The following PPP1R3G variants were observed in gnomAD, a reference collection of about 807,000 sequenced individuals.
The protein encoded by PPP1R3G is protein phosphatase 1, regulatory (inhibitor) subunit 3G.
PPP1R3G carries 3 observed loss-of-function variants against 2.0 expected under a neutral mutation model. The observed-to-expected ratio is 1.47, with a 90% CI of 0.67 to 3.81. The LOEUF (loss-of-function observed/expected upper bound fraction) is 3.81. Ranked by LOEUF, PPP1R3G falls within the 30% of genes most tolerant of loss-of-function variation. The pLI, the probability that PPP1R3G is intolerant of heterozygous loss-of-function variation, is 0.02. For synonymous variants in PPP1R3G, 267 were observed against 250.9 expected, an observed-to-expected ratio of 1.06 and a Z score of -0.61; for missense variants, 595 against 517.0, an observed-to-expected ratio of 1.15 and a Z score of -1.46.
Position 5,085,892 on chromosome 6 carries a change from A to T in PPP1R3G, c.407A>T (p.Asp136Val), listed in dbSNP as rs1253883093. The T allele has an allele frequency of 6.5e-7, 1 of 1,531,332 alleles. No individual in the cohort carries two copies. Among genetic ancestry groups the T allele is most frequent in the Non-Finnish European group, 8.7e-7 (1 of 1,144,558 alleles). The allele number at this position is 1,531,332 out of a possible 1,614,324, so 94.9% of individuals were successfully genotyped here. A position where few individuals can be genotyped will look rare whatever the true frequency, so the allele number is the denominator to read the frequency against. The change falls in exon 1 of 1, where the codon GAC (aspartate) becomes GTC (valine). Residue 136 changes from aspartate (D) to valine (V), a missense_variant. Coordinates refer to ENST00000405617, the MANE Select transcript of PPP1R3G (RefSeq NM_001145115.3). ...AKCKKRVQFA[D>V]TLGLSLASVK... is the part of the protein sequence containing the mutation. Reference sequence around the variant, plus strand: ...TGCAAGAAGCGGGTGCAGTTCGCGGACACGCTGGGGCTAAGCCTGGCCAGC... The same window carrying T: ...TGCAAGAAGCGGGTGCAGTTCGCGGTCACGCTGGGGCTAAGCCTGGCCAGC...
chr6:5,085,504 C>G lies in PPP1R3G; in HGVS notation c.19C>G (p.Arg7Gly), dbSNP rs540441961. ...CGGCGTCATGGAGCCCATAGGGGCG[C>G]GGCTAAGTTTGGAGGCGCCGGGACC... Reference protein sequence around the residue: MEPIGARLSLEAPGPAP... With the variant: MEPIGAGLSLEAPGPAP... The change falls in exon 1 of 1, where the codon CGG (arginine) becomes GGG (glycine). Residue 7 changes from arginine (R) to glycine (G), a missense_variant. Physicochemically the swap from Arg to Gly is moderately radical, Grantham distance 125. Coordinates refer to ENST00000405617, the MANE Select transcript of PPP1R3G (RefSeq NM_001145115.3). 1.3e-6 allele frequency: 2 copies of G among 1,536,826 alleles called. No homozygotes were observed. The highest frequency in any genetic ancestry group is 2.7e-5 in the African/African-American group (2 of 72,892).
rs780541343 is a variant in PPP1R3G at position 5,085,781 on chromosome 6, T to TGCAGCAGCA, written c.303_311dup (p.Gln103_Gln105dup). On this transcript the variant is annotated inframe_insertion, in exon 1 of 1. Transcript: ENST00000405617. ...CCCATCTTGCAGGCGGCCAAGTTCC[T>TGCAGCAGCA]GCAGCAGCAGCAGCAACAGGCGGTG... 2.6e-6 allele frequency: 4 copies of TGCAGCAGCA among 1,532,728 alleles called. No homozygotes were observed. The highest frequency in any genetic ancestry group is 2.6e-6 in the Non-Finnish European group (3 of 1,140,810). 94.9% of individuals were successfully genotyped at this position (1,532,728 alleles called of 1,614,324 possible).
rs1761964036 is a variant in PPP1R3G at position 5,085,550 on chromosome 6, C to T, written c.65C>T (p.Pro22Leu). The change falls in exon 1 of 1, where the codon CCG becomes CTG. Residue 22 changes from proline (P) to leucine (L), a missense_variant. Transcript: ENST00000405617. Reference protein sequence around the residue: ...APGPAPFREAPPAEELPAPVV... With the variant: ...APGPAPFREALPAEELPAPVV... ...GGACCAGCGCCCTTCCGAGAGGCCC[C>T]GCCGGCCGAGGAGCTGCCCGCCCCG... The T allele has an allele frequency of 7.1e-6, 11 of 1,541,174 alleles. No homozygotes were observed. Among genetic ancestry groups the T allele is most frequent in the Non-Finnish European group, 7.9e-6 (9 of 1,146,004 alleles).
In PPP1R3G at chr6:5,085,431, T is replaced by TA. The variant is rs1761957818; in HGVS notation, c.-53dup. ...TCCTTCCACGGCCCGAGGAGTTAGT[T>TA]AAGTCTCCAGAGGGGCCCGGTTCGG... On this transcript the variant is annotated 5_prime_UTR_variant, in exon 1 of 1. Coordinates refer to ENST00000405617, the MANE Select transcript of PPP1R3G (RefSeq NM_001145115.3). The TA allele has an allele frequency of 7.5e-7, 1 of 1,330,244 alleles. No individual in the cohort carries two copies. The highest frequency in any genetic ancestry group is 1.4e-5 in the South Asian group (1 of 73,302). 82.4% of individuals were successfully genotyped at this position (1,330,244 alleles called of 1,614,324 possible).
rs530557108 is a variant in PPP1R3G, at chr6:5,085,656, G to A, written c.171G>A (p.Arg57=). 153 of 1,548,616 alleles carry A rather than the reference G, an allele frequency of 9.9e-5. No homozygotes were observed. In the African/African-American group the frequency reaches 1.9e-3, roughly 19 times the overall value. ...TPSPDAQLGD[R]PLSPKEEAAP... is the part of the protein sequence containing the mutation. ...GTCCTGACGCTCAGCTAGGGGATAG[G>A]CCCCTGTCCCCGAAGGAAGAGGCCG... Residue 57 remains arginine (R), a synonymous_variant, in exon 1 of 1, where the codon AGG becomes AGA. Transcript: ENST00000405617.
Position 5,085,438 on chromosome 6 carries a change from C to A in PPP1R3G, c.-48C>A. On this transcript the variant is annotated 5_prime_UTR_variant, in exon 1 of 1. Coordinates refer to ENST00000405617, the MANE Select transcript of PPP1R3G (RefSeq NM_001145115.3). ...ACGGCCCGAGGAGTTAGTTAAGTCT[C>A]CAGAGGGGCCCGGTTCGGCCCGAGC... The A allele has an allele frequency of 7.1e-7, 1 of 1,405,792 alleles. No homozygotes were observed. The highest frequency in any genetic ancestry group is 2.5e-5 in the East Asian group (1 of 39,840). The allele number at this position is 1,405,792 out of a possible 1,614,324, so 87.1% of individuals were successfully genotyped here. A position where few individuals can be genotyped will look rare whatever the true frequency, so the allele number is the denominator to read the frequency against.
chr6:5,086,386 C>G lies in PPP1R3G; in HGVS notation c.901C>G (p.His301Asp), dbSNP rs1186230528. Residue 301 changes from histidine to aspartate, a missense_variant, in exon 1 of 1, where the codon CAC (histidine) becomes GAC (aspartate). By Grantham distance (81) the His-to-Asp change is moderately conservative (BLOSUM62 -1). Coordinates refer to ENST00000405617, the MANE Select transcript of PPP1R3G (RefSeq NM_001145115.3). ...GAAAGAGCCAGGCGCCGAGTGCTTC[C>G]ACTTCTCGCTGTGCCTGCCCCCGGG... ...AKKEPGAECFHFSLCLPPGLQ... is the reference protein window; with the variant it reads ...AKKEPGAECFDFSLCLPPGLQ... 3 of 1,536,198 alleles carry G rather than the reference C, an allele frequency of 2.0e-6. No individual in the cohort carries two copies. In the South Asian group the frequency reaches 3.6e-5, roughly 18 times the overall value.
In PPP1R3G at chr6:5,086,646, G is replaced by A. The variant is rs1330368892; in HGVS notation, c.*84G>A. 3.4e-6 allele frequency: 4 copies of A among 1,164,408 alleles called. No homozygotes were observed. The highest frequency in any genetic ancestry group is 5.6e-5 in the Admixed American group (2 of 36,006). The allele number at this position is 1,164,408 out of a possible 1,614,324, so 72.1% of individuals were successfully genotyped here. ...GCCGCCTCAAGGAACTTGCTGGGAC[G>A]CTTTGCTGAGCGTGGCGAGTCTGGC... On this transcript the variant is annotated 3_prime_UTR_variant, in exon 1 of 1. Coordinates refer to ENST00000405617, the MANE Select transcript of PPP1R3G (RefSeq NM_001145115.3).
Position 5,087,414 on chromosome 6 carries a change from A to T in PPP1R3G, c.*852A>T, listed in dbSNP as rs1762069156. The T allele has an allele frequency of 6.6e-6, 1 of 152,236 alleles. No individual in the cohort carries two copies. The highest frequency in any genetic ancestry group is 2.1e-4 in the South Asian group (1 of 4,834). The allele number at this position is 152,236 out of a possible 1,614,324, so 9.4% of individuals were successfully genotyped here. A position where few individuals can be genotyped will look rare whatever the true frequency, so the allele number is the denominator to read the frequency against. On this transcript the variant is annotated 3_prime_UTR_variant, in exon 1 of 1. Transcript: ENST00000405617. ...CATGTGCTTTAAAATGTTCTGTAGAAAGTGTTCCGTCCCCCTCCGAATTAA... is the reference window on the plus strand; with the variant it reads ...CATGTGCTTTAAAATGTTCTGTAGATAGTGTTCCGTCCCCCTCCGAATTAA...
chr6:5,088,087 A>AT lies in PPP1R3G; in HGVS notation c.*1528dup, dbSNP rs1017622267. 6.6e-6 allele frequency: 1 copy of AT among 151,732 alleles called. No individual in the cohort carries two copies. The highest frequency in any genetic ancestry group is 1.5e-5 in the Non-Finnish European group (1 of 68,012). 9.4% of individuals were successfully genotyped at this position (151,732 alleles called of 1,614,324 possible). On this transcript the variant is annotated 3_prime_UTR_variant, in exon 1 of 1. Coordinates refer to ENST00000405617, the MANE Select transcript of PPP1R3G (RefSeq NM_001145115.3). ...AATAGTTTTTACATTTTTATTTTTA[A>AT]TTTAATTTTCTTATTATTATTTTTC... is the stretch of plus-strand genomic sequence containing the variant.
chr6:5,086,463 C>T lies in PPP1R3G; in HGVS notation c.978C>T (p.His326=). ...EDADERGVAV[H]FAVCYRCAQG... ...CCGACGAGCGCGGCGTCGCGGTCCA[C>T]TTCGCTGTCTGCTACCGCTGCGCGC... Residue 326 remains histidine (H), a synonymous_variant, in exon 1 of 1, where the codon CAC becomes CAT. Transcript: ENST00000405617. 2.6e-6 allele frequency: 4 copies of T among 1,537,138 alleles called. No individual in the cohort carries two copies. Among genetic ancestry groups the T allele is most frequent in the Non-Finnish European group, 2.6e-6 (3 of 1,146,706 alleles).
Position 5,086,403 on chromosome 6 carries a change from G to A in PPP1R3G, c.918G>A (p.Leu306=). The A allele has an allele frequency of 6.5e-7, 1 of 1,536,258 alleles. No individual in the cohort carries two copies. The highest frequency in any genetic ancestry group is 2.4e-5 in the East Asian group (1 of 40,894). The part of the protein sequence containing the change: ...GAECFHFSLC[L]PPGLQPEDEE... ...AGTGCTTCCACTTCTCGCTGTGCCT[G>A]CCCCCGGGCCTGCAGCCTGAGGACG... The change falls in exon 1 of 1, where the codon CTG becomes CTA. Residue 306 remains leucine (L), a synonymous_variant. Transcript: ENST00000405617.
In PPP1R3G at chr6:5,088,909, C is replaced by G. The variant is rs1480951173; in HGVS notation, c.*2347C>G. On this transcript the variant is annotated 3_prime_UTR_variant, in exon 1 of 1. Transcript: ENST00000405617. ...CATCAGTGCAACTGAAACATAGCACCCGTTTGAATTGGCTTCAAACTACAA... is the reference window on the plus strand; with the variant it reads ...CATCAGTGCAACTGAAACATAGCACGCGTTTGAATTGGCTTCAAACTACAA... The G allele has an allele frequency of 6.6e-6, 1 of 152,188 alleles. No homozygotes were observed. Among genetic ancestry groups the G allele is most frequent in the African/African-American group, 2.4e-5 (1 of 41,448 alleles). The allele number at this position is 152,188 out of a possible 1,614,324, so 9.4% of individuals were successfully genotyped here.
chr6:5,085,369 G>A lies in PPP1R3G; in HGVS notation c.-117G>A. 1.4e-6 allele frequency: 1 copy of A among 731,684 alleles called. No homozygotes were observed. The highest frequency in any genetic ancestry group is 2.2e-6 in the Non-Finnish European group (1 of 463,346). 45.3% of individuals were successfully genotyped at this position (731,684 alleles called of 1,614,324 possible). ...TGTCTTGTCGAGCCTGGGGCGACTC[G>A]CCTCGGGGAGGGCGAGCCTGAACTG... On this transcript the variant is annotated 5_prime_UTR_variant, in exon 1 of 1. Coordinates refer to ENST00000405617, the MANE Select transcript of PPP1R3G (RefSeq NM_001145115.3).
Position 5,086,812 on chromosome 6 carries a change from C to T in PPP1R3G, c.*250C>T, listed in dbSNP as rs1297527699. On this transcript the variant is annotated 3_prime_UTR_variant, in exon 1 of 1. Transcript: ENST00000405617. ...TCTTCTCGTCCGTTTGACCTTCCTACAAGGCCTCTAGAATTCCCAGCCTGC... is the reference window on the plus strand; with the variant it reads ...TCTTCTCGTCCGTTTGACCTTCCTATAAGGCCTCTAGAATTCCCAGCCTGC... 3 of 532,782 alleles carry T rather than the reference C, an allele frequency of 5.6e-6. No individual in the cohort carries two copies. Among genetic ancestry groups the T allele is most frequent in the Non-Finnish European group, 9.8e-6 (3 of 305,118 alleles). 33.0% of individuals were successfully genotyped at this position (532,782 alleles called of 1,614,324 possible).
At position 5,085,508 on chromosome 6, in the gene PPP1R3G, T is replaced by A. The variant is rs769892370; in HGVS notation, c.23T>A (p.Leu8Gln). The A allele has an allele frequency of 1.2e-5, 18 of 1,537,050 alleles. No homozygotes were observed. The highest frequency in any genetic ancestry group is 1.6e-5 in the Non-Finnish European group (18 of 1,145,836). The change falls in exon 1 of 1, where the codon CTA becomes CAA. Residue 8 changes from leucine (L) to glutamine (Q), a missense_variant. Leu to Gln is a moderately radical substitution (Grantham distance 113). Coordinates refer to ENST00000405617, the MANE Select transcript of PPP1R3G (RefSeq NM_001145115.3). The stretch of plus-strand genomic sequence containing the variant: ...GTCATGGAGCCCATAGGGGCGCGGC[T>A]AAGTTTGGAGGCGCCGGGACCAGCG... Reference protein sequence around the residue: MEPIGARLSLEAPGPAPF... With the variant: MEPIGARQSLEAPGPAPF...
In PPP1R3G at chr6:5,086,050, C is replaced by A. The variant is rs1279811148; in HGVS notation, c.565C>A (p.Pro189Thr). 2 of 1,482,252 alleles carry A rather than the reference C, an allele frequency of 1.3e-6. No individual in the cohort carries two copies. The highest frequency in any genetic ancestry group is 1.3e-5 in the South Asian group (1 of 77,904). The allele number at this position is 1,482,252 out of a possible 1,614,324, so 91.8% of individuals were successfully genotyped here. Residue 189 changes from proline to threonine, a missense_variant, in exon 1 of 1, where the codon CCC becomes ACC. Pro to Thr is a conservative substitution (Grantham distance 38). Coordinates refer to ENST00000405617, the MANE Select transcript of PPP1R3G (RefSeq NM_001145115.3). Reference protein sequence around the residue: ...GLLAAAAVAAPLSAPPSRLRP... With the variant: ...GLLAAAAVAATLSAPPSRLRP... The stretch of plus-strand genomic sequence containing the variant: ...GCTGGCCGCGGCGGCAGTGGCCGCG[C>A]CCCTTTCAGCGCCGCCTTCCCGGCT...
In PPP1R3G at chr6:5,086,332, G is replaced by A. The variant is rs1381591492; in HGVS notation, c.847G>A (p.Ala283Thr). 1.3e-6 allele frequency: 2 copies of A among 1,535,692 alleles called. No individual in the cohort carries two copies. The highest frequency in any genetic ancestry group is 2.0e-5 in the Admixed American group (1 of 50,978). ...EPQQPEAPSG[A>T]SEPGSGDAKK... ...ACAGCAGCCAGAGGCACCGTCTGGGGCCTCCGAGCCAGGGTCCGGGGATGC... is the reference window on the plus strand; with the variant it reads ...ACAGCAGCCAGAGGCACCGTCTGGGACCTCCGAGCCAGGGTCCGGGGATGC... The change falls in exon 1 of 1, where the codon GCC (alanine) becomes ACC (threonine). Residue 283 changes from alanine to threonine, a missense_variant. Ala to Thr is a moderately conservative substitution (Grantham distance 58, BLOSUM62 0). Coordinates refer to ENST00000405617, the MANE Select transcript of PPP1R3G (RefSeq NM_001145115.3).
Position 5,085,492 on chromosome 6 carries a change from C to G in PPP1R3G, c.7C>G (p.Pro3Ala). 1 of 1,534,784 alleles carries G rather than the reference C, an allele frequency of 6.5e-7. No homozygotes were observed. The highest frequency in any genetic ancestry group is 1.2e-5 in the South Asian group (1 of 83,720). The change falls in exon 1 of 1, where the codon CCC (proline) becomes GCC (alanine). Residue 3 changes from proline (P) to alanine (A), a missense_variant. Pro to Ala is a conservative substitution (Grantham distance 27). Transcript: ENST00000405617. MEPIGARLSLEAP... is the reference protein window; with the variant it reads MEAIGARLSLEAP... ...TCCAGGGGCGAACGGCGTCATGGAG[C>G]CCATAGGGGCGCGGCTAAGTTTGGA...
Sources: allele counts gnomAD v4.1 joint callset, GRCh38; gene constraint gnomAD v4.1.1; transcripts MANE v1.5; gene names NCBI Gene and HGNC (gene_info 2026-07-23, HGNC 2026-07-21).